The following CTTN variants were observed in gnomAD, a reference collection of about 807,000 sequenced individuals.
The protein encoded by CTTN is cortactin.
Under a neutral mutation model 84.0 loss-of-function variants are expected in CTTN, and 28 were observed. The observed-to-expected ratio is 0.33, with a 90% CI of 0.25 to 0.46. CTTN has a LOEUF of 0.46. CTTN is among the 20% of genes least tolerant of loss of function. The probability of loss-of-function intolerance (pLI) is 1.00; values close to 1 mark genes in which losing one functional copy is unlikely to be tolerated. For missense variants in CTTN, 641 were observed against 723.8 expected (o/e 0.89, Z 1.31); for synonymous variants, 301 against 288.8 (o/e 1.04, Z -0.43).
Position 70,415,931 on chromosome 11 carries a change from T to A in CTTN, c.457+214T>A. On this transcript the variant is annotated intron_variant, in intron 7 of 17. Coordinates refer to ENST00000301843, the MANE Select transcript of CTTN (RefSeq NM_005231.4). ...ATCTGGATACCACATGATGGATGTA[T>A]TCCCCGTTACACATCCCCCTCGGAG... is the stretch of plus-strand genomic sequence containing the variant. The A allele has an allele frequency of 7.2e-6, 4 of 555,856 alleles. No individual in the cohort carries two copies. In the South Asian group the frequency reaches 9.0e-5, roughly 13 times the overall value. The allele number at this position is 555,856 out of a possible 1,614,324, so 34.4% of individuals were successfully genotyped here.
At position 70,422,621 on chromosome 11, in the gene CTTN, G is replaced by A. The variant is rs1230322779; in HGVS notation, c.902-319G>A. The A allele has an allele frequency of 1.7e-5, 23 of 1,347,054 alleles. No individual in the cohort carries two copies. The East Asian group carries it at 4.3e-4, about 25-fold the overall frequency. The allele number at this position is 1,347,054 out of a possible 1,614,324, so 83.4% of individuals were successfully genotyped here. On this transcript the variant is annotated intron_variant, in intron 11 of 17. Coordinates refer to ENST00000301843, the MANE Select transcript of CTTN (RefSeq NM_005231.4). ...CGGAAGACTGTGCTATTGAAGTGGC[G>A]CGTTGCAAAGGCCTGTCCGTGCCCT... is the stretch of plus-strand genomic sequence containing the variant.
At chr11:70,411,798 T>C (rs906618437) in intron 5 of CTTN, among the ~76,000 whole-genome samples, 2 of 152,182 alleles carry the variant, frequency 1.3e-5, no homozygotes, top group African/African-American at 4.8e-5. Context: ...CTGTGCGGTC[T>C]CCACAGCAGC....
rs568989895 is a variant in CTTN at position 70,422,882 on chromosome 11, G to A, written c.902-58G>A. 1.5e-5 allele frequency: 24 copies of A among 1,612,494 alleles called. No homozygotes were observed. The East Asian group carries it at 4.7e-4, about 31-fold the overall frequency. On this transcript the variant is annotated intron_variant, in intron 11 of 17. Coordinates refer to ENST00000301843, the MANE Select transcript of CTTN (RefSeq NM_005231.4). ...TCTGGATCTGTCTGCATGCACCCAC[G>A]GCCACCCCCATGCTCGCCTCCACCT...
intron 5 of CTTN, among the ~76,000 whole-genome samples, chr11:70,411,910 A>G (rs1006555368): frequency 6.6e-6 from 1 of 151,694 alleles, no homozygotes; most frequent in African/African-American, 2.4e-5. Context: ...TGTCATCCTC[A>G]CCTTGTGCCT....
intron 2 of CTTN, among the ~76,000 whole-genome samples, chr11:70,406,523 A>G (rs77010433): frequency 7.2e-6 from 1 of 138,108 alleles, no homozygotes; most frequent in Non-Finnish European, 1.5e-5. Flanking sequence ...CATAGTTTGA[A>G]AAAAAAAAAA....
At chr11:70,421,737 G>GTT (rs1565495414) in intron 11 of CTTN, 157 bp downstream of exon 11, 1 of 626,252 alleles carries the variant, frequency 1.6e-6, no homozygotes, top group Non-Finnish European at 2.9e-6. Flanking sequence ...CCCATTTCTA[G>GTT]TAGAGCGACA....
At chr11:70,429,288 C>T in intron 14 of CTTN, 89 bp downstream of exon 14, 1 of 1,441,608 alleles carries the variant, frequency 6.9e-7, no homozygotes, top group Non-Finnish European at 9.5e-7. Context: ...GGGGCTTATT[C>T]TCTCCTGGCC....
At chr11:70,421,841 C>T (rs973496814) in intron 11 of CTTN, 3 of 453,870 alleles carry the variant, frequency 6.6e-6, no homozygotes, top group Non-Finnish European at 1.2e-5. Context: ...CTTTCTAACC[C>T]GGTGACCCAT....
chr11:70,423,670 G>A lies in CTTN; in HGVS notation c.957+675G>A, dbSNP rs188070309. Among the ~76,000 whole-genome samples, 7 of 152,292 alleles carry A rather than the reference G, an allele frequency of 4.6e-5. No individual in the cohort carries two copies. In the East Asian group the frequency reaches 1.2e-3, roughly 25 times the overall value. On this transcript the variant is annotated intron_variant, in intron 12 of 17. Transcript: ENST00000301843. ...ACGGAGGGGCGAGGTGTGGGCCTGG[G>A]TGGGACAGGAGTCACTGCAGGTTCT...
intron 16 of CTTN, 25 bp from the exon 17 acceptor site, chr11:70,433,622 C>T (rs1372879274): frequency 6.5e-7 from 1 of 1,542,736 alleles, no homozygotes; most frequent in South Asian, 1.1e-5. Context: ...TTGTATTGTT[C>T]AGCTCTGTCA....
At chr11:70,407,439 G>T in intron 3 of CTTN, 55 bp downstream of exon 3, 1 of 1,612,748 alleles carries the variant, frequency 6.2e-7, no homozygotes. Context: ...TGGCTCTCCT[G>T]GGTTTTTCTT....
intron 5 of CTTN, chr11:70,410,197 C>A: frequency 2.3e-6 from 1 of 436,160 alleles, no homozygotes; most frequent in East Asian, 3.8e-5. Context: ...AGTGGGGAGG[C>A]CCAGAGAGGG....
chr11:70,430,881 TG>T (rs1483486507), intron 14 of CTTN, among the ~76,000 whole-genome samples: 1 of 151,576 alleles, frequency 6.6e-6, no homozygotes, highest in East Asian at 2.0e-4. Flanking sequence ...AGAGCACACC[TG>T]CCCCTCGAAT....
chr11:70,422,135 C>T (rs2058243743), intron 11 of CTTN: 1 of 272,398 alleles, frequency 3.7e-6, no homozygotes, highest in Admixed American at 4.5e-5. Context: ...ATGTGTGTAA[C>T]ATCTCCACAC....
intron 9 of CTTN, 173 bp from the exon 10 acceptor site, chr11:70,420,227 C>T (rs1042289827): frequency 9.6e-5 from 60 of 621,774 alleles, no homozygotes; most frequent in Non-Finnish European, 1.6e-4. Context: ...TATTTCCTGC[C>T]ACTCTCCAAG....
At chr11:70,433,818 G>A in intron 17 of CTTN, 100 bp downstream of exon 17, 4 of 844,206 alleles carry the variant, frequency 4.7e-6, no homozygotes, top group South Asian at 2.7e-5. Context: ...GTTAGTTTTA[G>A]AAGTAATTTA....
intron 5 of CTTN, among the ~76,000 whole-genome samples, chr11:70,411,184 A>G (rs12272773): frequency 0.022 from 2,900 of 130,438 alleles, 39 homozygotes; most frequent in African/African-American, 0.11. Context: ...CGAGCGAAGC[A>G]AGTGCACACG....
Position 70,432,917 on chromosome 11 carries a change from G to A in CTTN, c.1267-184G>A, listed in dbSNP as rs559006207. Among the ~76,000 whole-genome samples the A allele has an allele frequency of 5.9e-5, 9 of 152,306 alleles. No individual in the cohort carries two copies. The South Asian group carries it at 1.7e-3, about 28-fold the overall frequency. On this transcript the variant is annotated intron_variant, in intron 15 of 17. Transcript: ENST00000301843. ...ATCATCGGGAAGGAAATGGCATGTG[G>A]GCACTCACCACCATGGTGAACACAC...
intron 13 of CTTN, among the ~76,000 whole-genome samples, chr11:70,425,904 G>A (rs533824263): frequency 1.1e-4 from 17 of 152,302 alleles, no homozygotes; most frequent in South Asian, 8.3e-4. Flanking sequence ...GCCCTGCCCC[G>A]GAGAGTCAAG....
Sources: gnomAD v4.1 joint callset for allele counts (sites outside exome capture counted in the v4.1 genomes callset) on GRCh38, gnomAD v4.1.1 for gene constraint, MANE v1.5 for transcripts, NCBI Gene and HGNC (gene_info 2026-07-23, HGNC 2026-07-21) for gene names.